Variants in FGF13 observed in about 807,000 individuals in gnomAD.
The protein encoded by FGF13 is fibroblast growth factor homologous factor 2.
A neutral mutation model predicts 19.5 loss-of-function variants in FGF13; 2 were observed. That is an observed-to-expected ratio of 0.10 (90% CI 0.04 to 0.32). FGF13 has a LOEUF of 0.32. FGF13 is among the 10% of genes least tolerant of loss of function. FGF13 has a pLI of 1.00. For missense variants in FGF13, 113 were observed against 192.7 expected, an observed-to-expected ratio of 0.59 and a Z score of 2.45; for synonymous variants, 72 against 76.9, an observed-to-expected ratio of 0.94 and a Z score of 0.33.
At chrX:138,838,335 G>A (rs765010995) in intron 3 of FGF13, among the ~76,000 whole-genome samples, 2 of 111,885 alleles carry the variant, frequency 1.8e-5, no homozygotes, top group South Asian at 3.8e-4. Flanking sequence ...AAATGCTGGC[G>A]TATCTAAAGC....
chrX:138,969,273 G>A (rs1239056513), intron 1 of FGF13, among the ~76,000 whole-genome samples: 1 of 111,934 alleles, frequency 8.9e-6, no homozygotes, highest in Non-Finnish European at 1.9e-5. Context: ...AGTTATTGCT[G>A]TAACCTTGAG....
upstream of FGF13, among the ~76,000 whole-genome samples, chrX:138,741,282 C>T (rs1449555190): frequency 8.9e-6 from 1 of 111,837 alleles, no homozygotes; most frequent in Non-Finnish European, 1.9e-5. Flanking sequence ...TGTGCCATAG[C>T]TTCTTATAAT....
chrX:139,111,489 A>C (rs942405714), intron 1 of FGF13, among the ~76,000 whole-genome samples: 3 of 112,122 alleles, frequency 2.7e-5, no homozygotes, highest in Admixed American at 9.5e-5. Flanking sequence ...AAGGATAAAG[A>C]TAGAACCGAG....
At chrX:138,899,935 C>T (rs914417395) in intron 1 of FGF13, among the ~76,000 whole-genome samples, 7 of 111,038 alleles carry the variant, frequency 6.3e-5, no homozygotes, top group East Asian at 2.8e-4. Flanking sequence ...CAGTTATGTA[C>T]GTATATGAAT....
chrX:138,790,146 C>T (rs1483121968), intron 3 of FGF13, among the ~76,000 whole-genome samples: 1 of 103,527 alleles, frequency 9.7e-6, no homozygotes, highest in African/African-American at 3.5e-5. Context: ...GTCTTGGAGG[C>T]TGGACGTCTA....
At chrX:138,692,282 G>C (rs923475558) in intron 3 of FGF13, among the ~76,000 whole-genome samples, 1 of 111,006 alleles carries the variant, frequency 9.0e-6, no homozygotes, top group East Asian at 2.8e-4. Flanking sequence ...TGACTAAGGG[G>C]GAAGTAGAGA....
At chrX:138,961,006 T>A (rs1569430916) in intron 1 of FGF13, among the ~76,000 whole-genome samples, 1 of 111,587 alleles carries the variant, frequency 9.0e-6, no homozygotes, top group East Asian at 2.8e-4. Flanking sequence ...TGAAGCCTAC[T>A]TCTGTCAACT....
At chrX:139,203,949 C>A, upstream of FGF13, 7 of 813,835 alleles carry the variant, frequency 8.6e-6, no homozygotes, top group East Asian at 2.2e-4. Context: ...AGGTCATGGG[C>A]AGCTTAGGCT....
intron 1 of FGF13, among the ~76,000 whole-genome samples, chrX:138,895,671 TA>T (rs1021015410): frequency 8.9e-6 from 1 of 111,834 alleles, no homozygotes; most frequent in Non-Finnish European, 1.9e-5. Flanking sequence ...CCAAAGGAAA[TA>T]AAATTAGTAT....
At chrX:138,682,705 T>C (rs982404882) in intron 3 of FGF13, among the ~76,000 whole-genome samples, 1 of 111,946 alleles carries the variant, frequency 8.9e-6, no homozygotes, top group Non-Finnish European at 1.9e-5. Context: ...AGACAAGACA[T>C]GTAATCATAG....
chrX:139,118,262 C>T (rs925902092), intron 1 of FGF13, among the ~76,000 whole-genome samples: 8 of 111,804 alleles, frequency 7.2e-5, no homozygotes, highest in Admixed American at 3.8e-4. Flanking sequence ...CAACATAAGT[C>T]GAAAATATTG....
intron 1 of FGF13, among the ~76,000 whole-genome samples, chrX:139,046,613 C>T (rs2092288383): frequency 9.0e-6 from 1 of 110,931 alleles, no homozygotes; most frequent in Non-Finnish European, 1.9e-5. Context: ...GTCAGAAAAC[C>T]CTTTTCACTA....
chrX:138,616,814 G>A lies in FGF13; in HGVS notation c.*16036C>T, dbSNP rs183225288. The A allele has an allele frequency of 6.0e-4, 67 of 112,383 alleles. 1 individual carries two copies. The highest frequency in any genetic ancestry group is 4.6e-3 in the Middle Eastern group (1 of 219). 9.3% of individuals were successfully genotyped at this position (112,383 alleles called of 1,213,427 possible). On this transcript the variant is annotated 3_prime_UTR_variant, in exon 5 of 5. Coordinates refer to ENST00000315930, the MANE Select transcript of FGF13 (RefSeq NM_004114.5). ...ATTCTTGACTTCTGTGCTCCTGCAA[G>A]CCCAACACCATGTGTAAGCTGCCAA...
chrX:139,068,892 G>A (rs1352206085), intron 1 of FGF13, among the ~76,000 whole-genome samples: 3 of 111,049 alleles, frequency 2.7e-5, no homozygotes, highest in Non-Finnish European at 5.7e-5. Flanking sequence ...TCAGAGAAAT[G>A]CAAATCAAAA....
intron 1 of FGF13, among the ~76,000 whole-genome samples, chrX:139,184,193 A>T (rs1464150637): frequency 3.6e-5 from 4 of 112,378 alleles, no homozygotes; most frequent in Non-Finnish European, 7.5e-5. Flanking sequence ...ATATACAGAA[A>T]TTTCAGAGAG....
intron 1 of FGF13, among the ~76,000 whole-genome samples, chrX:139,011,415 T>C (rs761780565): frequency 9.6e-6 from 1 of 103,805 alleles, no homozygotes; most frequent in Admixed American, 1.0e-4. Flanking sequence ...ATATCCCTGA[T>C]GAAAATAGAT....
At chrX:139,165,420 A>G (rs1279019681) in intron 1 of FGF13, among the ~76,000 whole-genome samples, 1 of 112,125 alleles carries the variant, frequency 8.9e-6, no homozygotes, top group African/African-American at 3.2e-5. Context: ...AAAGCTTGCA[A>G]GAGTGTGGCC....
chrX:139,192,321 T>A (rs754240769), intron 1 of FGF13, among the ~76,000 whole-genome samples: 12 of 111,454 alleles, frequency 1.1e-4, no homozygotes, highest in Non-Finnish European at 2.3e-4. Context: ...ACCAGAAAAA[T>A]TGACATTTAT....
At chrX:138,894,680 CA>C (rs1392689030) in intron 1 of FGF13, among the ~76,000 whole-genome samples, 3 of 104,385 alleles carry the variant, frequency 2.9e-5, no homozygotes, top group Non-Finnish European at 4.0e-5. Context: ...GCCTACCAAC[CA>C]AAAAAAAAAG....
Sources: allele counts gnomAD v4.1 joint callset (sites outside exome capture counted in the v4.1 genomes callset), GRCh38; gene constraint gnomAD v4.1.1; transcripts MANE v1.5; gene names NCBI Gene and HGNC (gene_info 2026-07-23, HGNC 2026-07-21).